RNF144B: variants seen among roughly 807,000 people sequenced by gnomAD.
RNF144B encodes the protein E3 ubiquitin-protein ligase RNF144B.
In RNF144B, 25 loss-of-function variants were observed where a neutral mutation model predicts 40.2. That is an observed-to-expected ratio of 0.62 (90% CI 0.45 to 0.87). The LOEUF (loss-of-function observed/expected upper bound fraction) is 0.87, where lower values mean the gene tolerates loss of function less well. RNF144B is among the 40% of genes least tolerant of loss of function. The pLI, the probability that RNF144B is intolerant of heterozygous loss-of-function variation, is 0.00. For synonymous variants in RNF144B, 145 were observed against 136.3 expected, an observed-to-expected ratio of 1.06 and a Z score of -0.44; for missense variants, 365 against 373.7, an observed-to-expected ratio of 0.98 and a Z score of 0.19.
At chr6:18,403,732 A>G (rs1179482441) in intron 2 of RNF144B, among the ~76,000 whole-genome samples, 1 of 152,180 alleles carries the variant, frequency 6.6e-6, no homozygotes, top group Non-Finnish European at 1.5e-5. Flanking sequence ...TTATAAAGAA[A>G]AGAGGTTTAT....
rs1759543304 is a variant in RNF144B, at chr6:18,464,871, AG to A, written c.772-55del. 1.9e-6 allele frequency: 3 copies of A among 1,551,620 alleles called. No individual in the cohort carries two copies. The highest frequency in any genetic ancestry group is 2.7e-6 in the Non-Finnish European group (3 of 1,126,228). On this transcript the variant is annotated intron_variant, in intron 7 of 7. Transcript: ENST00000259939. The surrounding 1 kb of genome is among the most constrained non-coding windows in gnomAD (Gnocchi z 6.1). Reference sequence around the variant, plus strand: ...AGCAGATAACAGTATAGTTGGAATAAGTATACATATTGAAAGACTTAATTGC... The same window carrying A: ...AGCAGATAACAGTATAGTTGGAATAATATACATATTGAAAGACTTAATTGC...
In RNF144B at chr6:18,444,987, T is replaced by C. The variant is rs1302755896; in HGVS notation, c.331+5243T>C. On this transcript the variant is annotated intron_variant, in intron 4 of 7. Transcript: ENST00000259939. This position sits in a 1 kb window ranked among gnomAD's most constrained non-coding sequence, Gnocchi z 4.3. Reference sequence around the variant, plus strand: ...ATCTGATCATAAAGGTTTTATTCCATCAGAGCTCCCTATGTAGTTATGTAG... The same window carrying C: ...ATCTGATCATAAAGGTTTTATTCCACCAGAGCTCCCTATGTAGTTATGTAG... Among the ~76,000 whole-genome samples, 2 of 152,174 alleles carry C rather than the reference T, an allele frequency of 1.3e-5. No homozygotes were observed. Among genetic ancestry groups the C allele is most frequent in the Non-Finnish European group, 2.9e-5 (2 of 68,026 alleles).
In RNF144B at chr6:18,422,524, T is replaced by A. The variant is rs908370810; in HGVS notation, c.166-5057T>A. Among the ~76,000 whole-genome samples, 1 of 152,148 alleles carries A rather than the reference T, an allele frequency of 6.6e-6. No individual in the cohort carries two copies. The highest frequency in any genetic ancestry group is 2.4e-5 in the African/African-American group (1 of 41,420). On this transcript the variant is annotated intron_variant, in intron 2 of 7. Transcript: ENST00000259939. The surrounding 1 kb of genome is among the most constrained non-coding windows in gnomAD (Gnocchi z 4.7). ...TCCCCCTCATCACCTTCCTTCCCAC[T>A]TGGCTGAGCTATGGATGAGAAAACC...
intron 4 of RNF144B, among the ~76,000 whole-genome samples, chr6:18,455,977 C>T (rs1469780751): frequency 6.6e-6 from 1 of 151,906 alleles, no homozygotes; most frequent in East Asian, 1.9e-4. Flanking sequence ...GGCTGGAGTG[C>T]AGTGGTGCGA....
In RNF144B at chr6:18,457,428, TAGA is replaced by T. The variant is rs1759355300; in HGVS notation, c.536+72_536+74del. 4 of 1,160,840 alleles carry T rather than the reference TAGA, an allele frequency of 3.4e-6. No homozygotes were observed. Among genetic ancestry groups the T allele is most frequent in the East Asian group, 4.7e-5 (2 of 42,734 alleles). The allele number at this position is 1,160,840 out of a possible 1,614,324, so 71.9% of individuals were successfully genotyped here. A position where few individuals can be genotyped will look rare whatever the true frequency, so the allele number is the denominator to read the frequency against. On this transcript the variant is annotated intron_variant, in intron 5 of 7. Transcript: ENST00000259939. The surrounding 1 kb of genome is among the most constrained non-coding windows in gnomAD (Gnocchi z 5.1). ...TTAGAAATTCAACATACCTTACGTG[TAGA>T]AGGAGTTACGTTGTGATGGCGTTTA...
At chr6:18,433,037 T>C (rs891818836) in intron 3 of RNF144B, among the ~76,000 whole-genome samples, 12 of 152,206 alleles carry the variant, frequency 7.9e-5, no homozygotes, top group Non-Finnish European at 5.9e-5. Context: ...ATACAGTTTT[T>C]ACTCAGATTG....
chr6:18,430,701 C>T (rs1433629097), intron 3 of RNF144B, among the ~76,000 whole-genome samples: 10 of 151,710 alleles, frequency 6.6e-5, no homozygotes, highest in African/African-American at 2.4e-4. Context: ...TGTTTTCCAG[C>T]CTGGGCTCAA....
At position 18,387,424 on chromosome 6, in the gene RNF144B, G is replaced by C. The variant is rs1304902462; in HGVS notation, c.-243G>C. On this transcript the variant is annotated 5_prime_UTR_variant, in exon 1 of 8. Coordinates refer to ENST00000259939, the MANE Select transcript of RNF144B (RefSeq NM_182757.4). ...CAGTCAAGGCTAGGAGGCGGTCGGG[G>C]ACTCCGCCTCCTCCCGACCCGTAGG... 3 of 1,184,922 alleles carry C rather than the reference G, an allele frequency of 2.5e-6. No individual in the cohort carries two copies. The highest frequency in any genetic ancestry group is 3.2e-6 in the Non-Finnish European group (3 of 933,504). The allele number at this position is 1,184,922 out of a possible 1,614,324, so 73.4% of individuals were successfully genotyped here.
chr6:18,429,884 C>T (rs773893917), intron 3 of RNF144B, among the ~76,000 whole-genome samples: 13 of 152,084 alleles, frequency 8.5e-5, no homozygotes, highest in Non-Finnish European at 1.6e-4. Flanking sequence ...AAGAAAGGCC[C>T]GCTAGTGCTC....
In RNF144B at chr6:18,457,118, C is replaced by G; in HGVS notation, c.332-37C>G. On this transcript the variant is annotated intron_variant, in intron 4 of 7. Coordinates refer to ENST00000259939, the MANE Select transcript of RNF144B (RefSeq NM_182757.4). The surrounding 1 kb of genome is among the most constrained non-coding windows in gnomAD (Gnocchi z 5.1). ...AGGTGAGAAAGACTCAAACATGAAT[C>G]GGGCAGACCATCACATTTTCTTTCT... 6.9e-7 allele frequency: 1 copy of G among 1,446,666 alleles called. No homozygotes were observed. The highest frequency in any genetic ancestry group is 1.1e-5 in the South Asian group (1 of 87,720). The allele number at this position is 1,446,666 out of a possible 1,614,324, so 89.6% of individuals were successfully genotyped here.
In RNF144B at chr6:18,410,056, C is replaced by A. The variant is rs535731974; in HGVS notation, c.165+10357C>A. ...TTTTCCCCCCTTAAGCATGCCTTTG[C>A]CAAAGTTTAATTCTTCAAACCACAT... On this transcript the variant is annotated intron_variant, in intron 2 of 7. Transcript: ENST00000259939. This position sits in a 1 kb window ranked among gnomAD's most constrained non-coding sequence, Gnocchi z 4.6. Among the ~76,000 whole-genome samples the A allele has an allele frequency of 1.2e-3, 187 of 152,148 alleles. 1 individual carries two copies. Among genetic ancestry groups the A allele is most frequent in the African/African-American group, 4.1e-3 (172 of 41,492 alleles).
intron 2 of RNF144B, among the ~76,000 whole-genome samples, chr6:18,415,287 A>G (rs1795128050): frequency 6.6e-6 from 1 of 152,144 alleles, no homozygotes; most frequent in Non-Finnish European, 1.5e-5. Flanking sequence ...AGACTAGGTA[A>G]TTTATCAACA....
At chr6:18,421,074 G>A (rs1200053797) in intron 2 of RNF144B, among the ~76,000 whole-genome samples, 1 of 151,760 alleles carries the variant, frequency 6.6e-6, no homozygotes, top group Non-Finnish European at 1.5e-5. Context: ...GAGCAACATG[G>A]CGAAACTCTG....
chr6:18,396,524 A>AC, intron 1 of RNF144B: 1 of 984,652 alleles, frequency 1.0e-6, no homozygotes, highest in Non-Finnish European at 1.2e-6. Flanking sequence ...AGCTTTCTCC[A>AC]CATGGCTAAG....
Position 18,443,559 on chromosome 6 carries a change from C to A in RNF144B, c.331+3815C>A, listed in dbSNP as rs1442110222. ...TACAGGTGTGAGCTACCGTGCCCGG[C>A]CTCTTAGGTGATTTTGGAAGGCAAT... On this transcript the variant is annotated intron_variant, in intron 4 of 7. Transcript: ENST00000259939. The surrounding 1 kb of genome is among the most constrained non-coding windows in gnomAD (Gnocchi z 4.7). Among the ~76,000 whole-genome samples the A allele has an allele frequency of 1.3e-5, 2 of 152,132 alleles. No individual in the cohort carries two copies. Among genetic ancestry groups the A allele is most frequent in the African/African-American group, 4.8e-5 (2 of 41,422 alleles).
intron 2 of RNF144B, among the ~76,000 whole-genome samples, chr6:18,403,395 C>T (rs528199628): frequency 3.7e-4 from 57 of 152,260 alleles, no homozygotes; most frequent in African/African-American, 1.0e-3. Flanking sequence ...TGAAAAGAGT[C>T]GGTATGTTGG....
intron 2 of RNF144B, among the ~76,000 whole-genome samples, chr6:18,402,934 T>C (rs1794821338): frequency 6.6e-6 from 1 of 152,224 alleles, no homozygotes; most frequent in Admixed American, 6.5e-5. Context: ...GCATAGTTCT[T>C]ACTGGCATGA....
At chr6:18,428,626 C>T (rs945561464) in intron 3 of RNF144B, among the ~76,000 whole-genome samples, 4 of 152,138 alleles carry the variant, frequency 2.6e-5, no homozygotes, top group African/African-American at 4.8e-5. Flanking sequence ...AGCCTCTGAA[C>T]GACATCCCAA....
intron 4 of RNF144B, among the ~76,000 whole-genome samples, chr6:18,451,016 A>T (rs1759198589): frequency 7.9e-5 from 12 of 152,208 alleles, no homozygotes; most frequent in Admixed American, 7.8e-4. Flanking sequence ...GGATATTTGG[A>T]TAAAAAAATC....
Sources: allele counts gnomAD v4.1 joint callset (sites outside exome capture counted in the v4.1 genomes callset), GRCh38; gene constraint gnomAD v4.1.1; non-coding constraint Gnocchi (gnomAD v3.1); transcripts MANE v1.5; gene names NCBI Gene and HGNC (gene_info 2026-07-23, HGNC 2026-07-21).